Variants in NALCN observed in about 807,000 individuals in gnomAD.
NALCN encodes sodium leak channel NALCN.
Under a neutral mutation model 225.3 loss-of-function variants are expected in NALCN, and 111 were observed. The observed-to-expected ratio is 0.49, with a 90% confidence interval of 0.42 to 0.58. The LOEUF (loss-of-function observed/expected upper bound fraction) is 0.58, where lower values mean the gene tolerates loss of function less well. Ranked by LOEUF, NALCN falls within the 20% of genes least tolerant of loss-of-function variation. The pLI is 0.00. For missense variants in NALCN, 1,378 were observed against 2,202.4 expected (o/e 0.63, Z 7.49); for synonymous variants, 764 against 769.0 (o/e 0.99, Z 0.11).
chr13:101,065,616 G>A, intron 39 of NALCN, 55 bp from the exon 40 acceptor site: 1 of 1,566,644 alleles, frequency 6.4e-7, no homozygotes, highest in South Asian at 1.2e-5. Flanking sequence ...GATTCACTTG[G>A]GTTTCTCAAA....
At chr13:101,105,044 T>G in intron 22 of NALCN, 94 bp from the exon 23 acceptor site, 2 of 1,077,310 alleles carry the variant, frequency 1.9e-6, no homozygotes. Context: ...CTACCTAAAA[T>G]CTCTTTTACA....
intron 7 of NALCN, among the ~76,000 whole-genome samples, chr13:101,311,256 T>C (rs1005167856): frequency 2.6e-5 from 4 of 151,702 alleles, no homozygotes; most frequent in African/African-American, 9.7e-5. Context: ...TAAGGAGATT[T>C]TGGGCTGAGA....
In NALCN at chr13:101,104,492, C is replaced by T. The variant is rs146295899; in HGVS notation, c.2757+38G>A. The T allele has an allele frequency of 1.2e-6, 2 of 1,613,392 alleles. No individual in the cohort carries two copies. Among genetic ancestry groups the T allele is most frequent in the Non-Finnish European group, 1.7e-6 (2 of 1,179,510 alleles). On this transcript the variant is annotated intron_variant, in intron 24 of 43. Transcript: ENST00000251127. This position sits in a 1 kb window ranked among gnomAD's most constrained non-coding sequence, Gnocchi z 4.2. ...AAACAGCAGGTCAGTATTTTACCTC[C>T]TAGTTGTAAGCTGAGATTTTGCAGC... is the stretch of plus-strand genomic sequence containing the variant.
intron 6 of NALCN, among the ~76,000 whole-genome samples, chr13:101,361,411 A>G (rs1290486732): frequency 6.6e-6 from 1 of 152,226 alleles, no homozygotes; most frequent in Admixed American, 6.5e-5. Flanking sequence ...ATCGTAATTA[A>G]CCACTTACTC....
chr13:101,395,978 G>C (rs771116275), intron 2 of NALCN, among the ~76,000 whole-genome samples: 13 of 151,966 alleles, frequency 8.6e-5, no homozygotes, highest in Non-Finnish European at 1.3e-4. Context: ...AAAATACAAA[G>C]AAACTTTTTA....
chr13:101,173,863 G>T lies in NALCN; in HGVS notation c.1839+2437C>A, dbSNP rs577371783. Among the ~76,000 whole-genome samples the T allele has an allele frequency of 1.3e-5, 2 of 152,182 alleles. 1 individual carries two copies. The highest frequency in any genetic ancestry group is 4.1e-4 in the South Asian group (2 of 4,826). On this transcript the variant is annotated intron_variant, in intron 15 of 43. Coordinates refer to ENST00000251127, the MANE Select transcript of NALCN (RefSeq NM_052867.4). ...GTACCAATTTCATTGTTTTTTAAAA[G>T]AATCTGTAAAAGACAGTCTAAAGTT...
Position 101,111,227 on chromosome 13 carries a change from C to G in NALCN, c.2193-1G>C. 1 of 1,572,776 alleles carries G rather than the reference C, an allele frequency of 6.4e-7. No homozygotes were observed. Among genetic ancestry groups the G allele is most frequent in the Non-Finnish European group, 8.7e-7 (1 of 1,155,410 alleles). On this transcript the variant is annotated splice_acceptor_variant, in intron 18 of 43. Transcript: ENST00000251127. LOFTEE classifies it high-confidence loss of function. The stretch of plus-strand genomic sequence containing the variant: ...CAGCATGCGCTGTCGGGTGCAAGCT[C>G]TAGGAAAAAAAAAGGAGCCCAAGAT...
At chr13:101,377,089 A>G in intron 4 of NALCN, 33 bp from the exon 5 acceptor site, 1 of 1,613,598 alleles carries the variant, frequency 6.2e-7, no homozygotes, top group Non-Finnish European at 8.5e-7. Context: ...ATGAGGTTGG[A>G]TTTTCCCTTA....
chr13:101,059,706 G>A, intron 42 of NALCN, 112 bp downstream of exon 42: 1 of 854,538 alleles, frequency 1.2e-6, no homozygotes, highest in Non-Finnish European at 1.7e-6. Context: ...ATTCCTATTA[G>A]AAATATTGTC....
intron 7 of NALCN, among the ~76,000 whole-genome samples, chr13:101,319,667 T>A (rs188985553): frequency 2.1e-3 from 323 of 152,322 alleles, no homozygotes; most frequent in Non-Finnish European, 3.4e-3. Flanking sequence ...AGGTAAAAGA[T>A]TTTAAATCAA....
intron 7 of NALCN, among the ~76,000 whole-genome samples, chr13:101,300,339 CTTT>C (rs2043909498): frequency 7.2e-6 from 1 of 139,562 alleles, no homozygotes; most frequent in South Asian, 2.3e-4. Flanking sequence ...TTCCTTCCTT[CTTT>C]TTCTTTTTCT....
chr13:101,141,943 C>T (rs141432210), intron 17 of NALCN, among the ~76,000 whole-genome samples: 3,422 of 152,196 alleles, frequency 0.022, 46 homozygotes, highest in Middle Eastern at 0.071. Context: ...GCAAACTCTA[C>T]TGTTTAATCT....
intron 20 of NALCN, among the ~76,000 whole-genome samples, chr13:101,109,191 A>G (rs1276036569): frequency 1.3e-5 from 2 of 152,224 alleles, no homozygotes; most frequent in Non-Finnish European, 2.9e-5. Flanking sequence ...TTCTCCGTGC[A>G]ATATGGCTGA....
intron 12 of NALCN, among the ~76,000 whole-genome samples, chr13:101,231,238 A>G (rs947552441): frequency 2.6e-5 from 4 of 152,158 alleles, no homozygotes; most frequent in Non-Finnish European, 2.9e-5. Flanking sequence ...ATATATTTAG[A>G]TGTTTTGCAT....
chr13:101,363,712 C>T (rs1269482233), intron 6 of NALCN, among the ~76,000 whole-genome samples: 1 of 151,980 alleles, frequency 6.6e-6, no homozygotes, highest in African/African-American at 2.4e-5. Context: ...GCACAGGCAA[C>T]TAAAGCAAAA....
intron 36 of NALCN, 28 bp from the exon 37 acceptor site, chr13:101,073,705 A>C: frequency 6.4e-7 from 1 of 1,556,804 alleles, no homozygotes; most frequent in Non-Finnish European, 8.8e-7. Context: ...AATTAACAGA[A>C]TGTGAATTAT....
intron 11 of NALCN, among the ~76,000 whole-genome samples, chr13:101,247,825 C>T (rs1324914540): frequency 6.6e-6 from 1 of 152,038 alleles, no homozygotes; most frequent in Non-Finnish European, 1.5e-5. Flanking sequence ...CCTGATAGGC[C>T]CCAGTGTGTG....
intron 34 of NALCN, 33 bp from the exon 35 acceptor site, chr13:101,075,974 T>C: frequency 6.3e-7 from 1 of 1,587,580 alleles, no homozygotes; most frequent in Non-Finnish European, 8.6e-7. Context: ...CTTCTCATAA[T>C]TTGCACAAAA....
At chr13:101,335,564 C>G (rs1478558799) in intron 7 of NALCN, among the ~76,000 whole-genome samples, 5 of 152,082 alleles carry the variant, frequency 3.3e-5, no homozygotes, top group African/African-American at 1.2e-4. Context: ...TCAGAGCAAA[C>G]AGAATTATCA....
Sources: allele counts gnomAD v4.1 joint callset (sites outside exome capture counted in the v4.1 genomes callset), GRCh38; gene constraint gnomAD v4.1.1; non-coding constraint Gnocchi (gnomAD v3.1); transcripts MANE v1.5; gene names NCBI Gene and HGNC (gene_info 2026-07-23, HGNC 2026-07-21).